Variants in ATXN2 observed in about 807,000 individuals in gnomAD.
The protein encoded by ATXN2 is ataxin 2.
A neutral mutation model predicts 138.6 loss-of-function variants in ATXN2; 37 were observed. The ratio of observed to expected loss-of-function variants is 0.27; its 90% CI spans 0.21 to 0.35. The LOEUF (loss-of-function observed/expected upper bound fraction) is 0.35, where lower values mean the gene tolerates loss of function less well. Ranked by LOEUF, ATXN2 falls within the 10% of genes least tolerant of loss-of-function variation. ATXN2 has a pLI of 1.00. For synonymous variants in ATXN2, 549 were observed against 543.7 expected (o/e 1.01, Z -0.13); for missense variants, 1,216 against 1,480.3 (o/e 0.82, Z 2.93).
chr12:111,454,857 G>C, intron 23 of ATXN2: 2 of 548,938 alleles, frequency 3.6e-6, no homozygotes, highest in Non-Finnish European at 6.6e-6. Context: ...ACCAGCCTCT[G>C]GTAGACACCT....
intron 5 of ATXN2, among the ~76,000 whole-genome samples, chr12:111,543,831 C>A (rs768245025): frequency 1.2e-4 from 19 of 152,176 alleles, no homozygotes; most frequent in African/African-American, 4.6e-4. Flanking sequence ...AATCCCATCA[C>A]TTTTGAAGGC....
intron 14 of ATXN2, among the ~76,000 whole-genome samples, chr12:111,498,226 T>C (rs1238045095): frequency 6.6e-6 from 1 of 151,946 alleles, no homozygotes; most frequent in African/African-American, 2.4e-5. Context: ...ATTGGAGCAA[T>C]CAGACAACAG....
At chr12:111,541,273 T>G (rs1408561278) in intron 5 of ATXN2, among the ~76,000 whole-genome samples, 1 of 149,532 alleles carries the variant, frequency 6.7e-6, no homozygotes, top group South Asian at 2.1e-4. Flanking sequence ...AGTGCTATAT[T>G]GCATATTAAT....
In ATXN2 at chr12:111,452,639, C is replaced by A. The variant is rs1874739413; in HGVS notation, c.*173G>T. ...AAGTTCCTAAATGCCTCTACTCGGT[C>A]CAAGTATCTTCCACTGCAAGTGAAC... is the stretch of plus-strand genomic sequence containing the variant. On this transcript the variant is annotated 3_prime_UTR_variant, in exon 25 of 25. Transcript: ENST00000673436. 13 of 761,642 alleles carry A rather than the reference C, an allele frequency of 1.7e-5. No homozygotes were observed. The South Asian group carries it at 2.2e-4, about 13-fold the overall frequency. 47.2% of individuals were successfully genotyped at this position (761,642 alleles called of 1,614,324 possible).
In ATXN2 at chr12:111,530,619, C is replaced by A. The variant is rs1451961582; in HGVS notation, c.572-5303G>T. Among the ~76,000 whole-genome samples the A allele has an allele frequency of 2.6e-5, 4 of 152,180 alleles. No homozygotes were observed. The East Asian group carries it at 7.7e-4, about 29-fold the overall frequency. ...CACGAGGTCAGGAGATCAAGACCATCCTGGTTAACACGGTGAAACCCCATC... is the reference window on the plus strand; with the variant it reads ...CACGAGGTCAGGAGATCAAGACCATACTGGTTAACACGGTGAAACCCCATC... On this transcript the variant is annotated intron_variant, in intron 5 of 24. Transcript: ENST00000673436.
chr12:111,573,307 C>T (rs984716454), intron 1 of ATXN2, among the ~76,000 whole-genome samples: 3 of 152,164 alleles, frequency 2.0e-5, no homozygotes, highest in African/African-American at 7.2e-5. Context: ...ATTCTCCTTG[C>T]CTCAGCCTAC....
intron 18 of ATXN2, chr12:111,485,048 A>T (rs904415871): frequency 2.8e-5 from 12 of 428,146 alleles, no homozygotes; most frequent in Non-Finnish European, 4.6e-5. Flanking sequence ...CTTTTTGAAG[A>T]GGATACTATA....
Position 111,552,477 on chromosome 12 carries a change from A to T in ATXN2, c.421-47T>A. The T allele has an allele frequency of 6.4e-7, 1 of 1,553,554 alleles. No homozygotes were observed. The highest frequency in any genetic ancestry group is 1.7e-4 in the Middle Eastern group (1 of 5,782). On this transcript the variant is annotated intron_variant, in intron 4 of 24. Coordinates refer to ENST00000673436, the MANE Select transcript of ATXN2 (RefSeq NM_001372574.1). This position sits in a 1 kb window ranked among gnomAD's most constrained non-coding sequence, Gnocchi z 4.1. ...AGTACTCCAAACCTTTACAAAATAA[A>T]ATTTGTTAGGAATTCTTTAGCTCAT...
intron 5 of ATXN2, among the ~76,000 whole-genome samples, chr12:111,544,615 G>A (rs1161804191): frequency 6.6e-6 from 1 of 152,126 alleles, no homozygotes; most frequent in African/African-American, 2.4e-5. Flanking sequence ...CATGTGGCAA[G>A]AGCAGCAGGC....
At chr12:111,525,098 T>TAAC (rs889850977) in intron 6 of ATXN2, 94 bp downstream of exon 6, 48 of 1,459,138 alleles carry the variant, frequency 3.3e-5, no homozygotes, top group Non-Finnish European at 4.1e-5. Flanking sequence ...CTCACTACAA[T>TAAC]AACAACAACA....
rs1032904388 is a variant in ATXN2, at chr12:111,492,450, A to C, written c.1936-3670T>G. 3.9e-5 allele frequency among the ~76,000 whole-genome samples: 6 copies of C among 152,230 alleles called. No individual in the cohort carries two copies. The South Asian group carries it at 1.2e-3, about 32-fold the overall frequency. On this transcript the variant is annotated intron_variant, in intron 14 of 24. Coordinates refer to ENST00000673436, the MANE Select transcript of ATXN2 (RefSeq NM_001372574.1). ...TGTAATCCCAACACTCTGAGAGGCCAAGGCGGACAGATCACGAGGTTAGGA... is the reference window on the plus strand; with the variant it reads ...TGTAATCCCAACACTCTGAGAGGCCCAGGCGGACAGATCACGAGGTTAGGA...
At chr12:111,544,088 G>T (rs940162566) in intron 5 of ATXN2, among the ~76,000 whole-genome samples, 3 of 151,544 alleles carry the variant, frequency 2.0e-5, no homozygotes, top group African/African-American at 4.8e-5. Context: ...TTAAAAAAAA[G>T]AAAAAAAATT....
At chr12:111,530,842 T>C (rs1390989876) in intron 5 of ATXN2, among the ~76,000 whole-genome samples, 2 of 151,772 alleles carry the variant, frequency 1.3e-5, no homozygotes, top group African/African-American at 4.8e-5. Context: ...AAAATGTGTA[T>C]AGGCGGGGTG....
At chr12:111,576,939 C>T (rs1032068035) in intron 1 of ATXN2, among the ~76,000 whole-genome samples, 3 of 151,854 alleles carry the variant, frequency 2.0e-5, no homozygotes, top group Non-Finnish European at 2.9e-5. Flanking sequence ...GCCTGGGCGA[C>T]AGAGCGAGAC....
intron 18 of ATXN2, among the ~76,000 whole-genome samples, chr12:111,480,654 T>C (rs984448092): frequency 1.3e-5 from 2 of 152,050 alleles, no homozygotes; most frequent in African/African-American, 4.8e-5. Context: ...AGAGCGACAC[T>C]CCATCTCAAA....
At position 111,552,265 on chromosome 12, in the gene ATXN2, G is replaced by A; in HGVS notation, c.571+15C>T. 2 of 1,574,418 alleles carry A rather than the reference G, an allele frequency of 1.3e-6. No homozygotes were observed. Among genetic ancestry groups the A allele is most frequent in the South Asian group, 2.4e-5 (2 of 84,980 alleles). ...CTAATAAACCATGAGGCATATTTAG[G>A]AAATCAAAACCCACCTCTTTTTGCA... On this transcript the variant is annotated intron_variant, in intron 5 of 24. Coordinates refer to ENST00000673436, the MANE Select transcript of ATXN2 (RefSeq NM_001372574.1). The surrounding 1 kb of genome is among the most constrained non-coding windows in gnomAD (Gnocchi z 4.1).
At chr12:111,587,404 A>C (rs1041709275) in intron 1 of ATXN2, among the ~76,000 whole-genome samples, 2 of 152,166 alleles carry the variant, frequency 1.3e-5, no homozygotes, top group African/African-American at 4.8e-5. Context: ...TCACACATGT[A>C]ATTAAAGCAC....
chr12:111,464,713 A>T lies in ATXN2; in HGVS notation c.2845T>A (p.Cys949Ser), dbSNP rs1875870104. Residue 949 changes from cysteine (C) to serine (S), a missense_variant and splice_region_variant, in exon 21 of 25, where the codon TGT becomes AGT. Cys to Ser is a moderately radical substitution (Grantham distance 112). This residue lies in a region of ATXN2 where 490 missense variants were observed against 653.5 expected (regional missense o/e 0.75). Coordinates refer to ENST00000673436, the MANE Select transcript of ATXN2 (RefSeq NM_001372574.1). ...TCCTTGTTGTATGGTAATTTGGGAC[A>T]TGCTGAATTTGGGAAATAGAAAGGT... ...AHEQTHAMYA[C>S]PKLPYNKETS... 1 of 1,610,780 alleles carries T rather than the reference A, an allele frequency of 6.2e-7. No homozygotes were observed. Among genetic ancestry groups the T allele is most frequent in the Non-Finnish European group, 8.5e-7 (1 of 1,177,624 alleles).
rs767827202 is a variant in ATXN2, at chr12:111,518,339, G to A, written c.1075C>T (p.Pro359Ser). The change falls in exon 9 of 25, where the codon CCT (proline) becomes TCT (serine). Residue 359 changes from proline (P) to serine (S), a missense_variant. Physicochemically the swap from Pro to Ser is moderately conservative, Grantham distance 74 (BLOSUM62 -1). Transcript: ENST00000673436. ...GRQNSPRMGQ[P>S]GSGSMPSRST... ...CTTGATGGCATGGAGCCCGATCCAG[G>A]CTGGCCCATACGCGGTGAATTCTGT... 7.4e-6 allele frequency: 12 copies of A among 1,613,480 alleles called. No homozygotes were observed. Among genetic ancestry groups the A allele is most frequent in the Non-Finnish European group, 1.0e-5 (12 of 1,179,556 alleles).
Sources: gnomAD v4.1 joint callset for allele counts (sites outside exome capture counted in the v4.1 genomes callset) on GRCh38, gnomAD v4.1.1 for gene constraint, gnomAD v4.1.1 regional missense constraint, Gnocchi (gnomAD v3.1) non-coding constraint, MANE v1.5 for transcripts, NCBI Gene and HGNC (gene_info 2026-07-23, HGNC 2026-07-21) for gene names.